The following SLC43A2 variants were observed in gnomAD, a reference collection of about 807,000 sequenced individuals.
SLC43A2 encodes solute carrier family 43 member 2, also known as large neutral amino acids transporter small subunit 4.
SLC43A2 carries 38 observed loss-of-function variants against 63.2 expected under a neutral mutation model. That is an observed-to-expected ratio of 0.60 (90% confidence interval 0.46 to 0.79). SLC43A2 has a LOEUF of 0.79. SLC43A2 is among the 30% of genes least tolerant of loss of function. The pLI is 0.00. For synonymous variants in SLC43A2, 322 were observed against 331.0 expected (o/e 0.97, Z 0.30); for missense variants, 644 against 756.2 (o/e 0.85, Z 1.74).
chr17:1,608,445 G>T (rs1906811760), intron 5 of SLC43A2, among the ~76,000 whole-genome samples: 1 of 151,962 alleles, frequency 6.6e-6, no homozygotes, highest in African/African-American at 2.4e-5. Context: ...CCAGGCTGGA[G>T]TGCAGTGGTG....
intron 5 of SLC43A2, among the ~76,000 whole-genome samples, chr17:1,598,340 G>A (rs1026493252): frequency 1.3e-4 from 19 of 151,734 alleles, no homozygotes; most frequent in African/African-American, 4.4e-4. Flanking sequence ...AGAATTGCTT[G>A]AATCCAGGAG....
In SLC43A2 at chr17:1,575,104, A is replaced by G. The variant is rs1275151915; in HGVS notation, c.*500T>C. 1.1e-5 allele frequency: 2 copies of G among 179,198 alleles called. No homozygotes were observed. The highest frequency in any genetic ancestry group is 2.4e-5 in the African/African-American group (1 of 41,584). 11.1% of individuals were successfully genotyped at this position (179,198 alleles called of 1,614,324 possible). A position where few individuals can be genotyped will look rare whatever the true frequency, so the allele number is the denominator to read the frequency against. ...AAAGGAATTAGCACCGACAACAGGA[A>G]GCGGGTCCTTCCTTCCTCAGGCAGC... On this transcript the variant is annotated 3_prime_UTR_variant, in exon 14 of 14. Transcript: ENST00000301335.
At chr17:1,629,100 C>G (rs1908964085), upstream of SLC43A2, among the ~76,000 whole-genome samples, 2 of 152,150 alleles carry the variant, frequency 1.3e-5, no homozygotes, top group African/African-American at 2.4e-5. Flanking sequence ...TCCCCGGCGA[C>G]ATCGCCCCGC....
chr17:1,590,752 TGGGCTCAGGCC>T, intron 9 of SLC43A2, 39 bp downstream of exon 9: 3 of 1,546,382 alleles, frequency 1.9e-6, no homozygotes, highest in Non-Finnish European at 2.6e-6. Flanking sequence ...GCCAGTGGGC[TGGGCTCAGGCC>T]GGGGAGTGAC....
chr17:1,592,620 T>A (rs896254506), intron 6 of SLC43A2, among the ~76,000 whole-genome samples: 1 of 151,630 alleles, frequency 6.6e-6, no homozygotes, highest in African/African-American at 2.4e-5. Flanking sequence ...GGAAAGGGGC[T>A]TTTACTTAGT....
intron 11 of SLC43A2, among the ~76,000 whole-genome samples, chr17:1,581,862 G>A (rs1010331947): frequency 9.3e-5 from 14 of 150,606 alleles, no homozygotes; most frequent in South Asian, 6.3e-4. Flanking sequence ...CTGGAGTGCA[G>A]TGGCGCAATC....
intron 6 of SLC43A2, among the ~76,000 whole-genome samples, chr17:1,592,205 G>C (rs1232231628): frequency 6.6e-6 from 1 of 152,220 alleles, no homozygotes; most frequent in Non-Finnish European, 1.5e-5. Context: ...AAAGTGGGCG[G>C]ATCATGAGGT....
chr17:1,616,861 C>T (rs1286117984), intron 2 of SLC43A2, 92 bp from the exon 3 acceptor site: 61 of 1,434,464 alleles, frequency 4.3e-5, no homozygotes, highest in Middle Eastern at 4.3e-4. Flanking sequence ...AGTCCCCCCA[C>T]TGGGAATGCC....
At chr17:1,601,628 C>T (rs549281763) in intron 5 of SLC43A2, among the ~76,000 whole-genome samples, 1 of 151,992 alleles carries the variant, frequency 6.6e-6, no homozygotes, top group Non-Finnish European at 1.5e-5. Context: ...ACTGAGACTA[C>T]CCCAGGCATG....
At position 1,575,498 on chromosome 17, in the gene SLC43A2, C is replaced by T. The variant is rs1415696633; in HGVS notation, c.*106G>A. On this transcript the variant is annotated 3_prime_UTR_variant, in exon 14 of 14. Coordinates refer to ENST00000301335, the MANE Select transcript of SLC43A2 (RefSeq NM_152346.3). ...CCGGGAGGGAGCGTGAACGCTGGCA[C>T]GGAGACGGCGAAGGTCCTGGGGGTG... 1.4e-5 allele frequency: 21 copies of T among 1,455,914 alleles called. No homozygotes were observed. The highest frequency in any genetic ancestry group is 1.8e-5 in the Non-Finnish European group (19 of 1,045,172). 90.2% of individuals were successfully genotyped at this position (1,455,914 alleles called of 1,614,324 possible).
intron 5 of SLC43A2, among the ~76,000 whole-genome samples, chr17:1,603,787 AAAAAC>A (rs57134876): frequency 8.6e-5 from 13 of 151,506 alleles, no homozygotes; most frequent in East Asian, 1.9e-4. Flanking sequence ...CTCTGCCTCA[AAAAAC>A]AAAACAAAAC....
intron 9 of SLC43A2, among the ~76,000 whole-genome samples, chr17:1,590,020 C>T (rs1904598374): frequency 6.6e-6 from 1 of 152,296 alleles, no homozygotes; most frequent in South Asian, 2.1e-4. Context: ...AACCTGATAA[C>T]TGATTCTTCA....
intron 5 of SLC43A2, among the ~76,000 whole-genome samples, chr17:1,611,557 C>T (rs1486772375): frequency 6.6e-6 from 1 of 151,794 alleles, no homozygotes; most frequent in Non-Finnish European, 1.5e-5. Flanking sequence ...ATTGCCTGAA[C>T]CCGGGAGGCG....
At chr17:1,594,090 G>C (rs1435779394) in intron 5 of SLC43A2, among the ~76,000 whole-genome samples, 1 of 152,164 alleles carries the variant, frequency 6.6e-6, no homozygotes, top group East Asian at 1.9e-4. Flanking sequence ...CTCCCAAAGT[G>C]CTGGGACTAC....
At chr17:1,598,420 CAAA>C (rs58628614) in intron 5 of SLC43A2, among the ~76,000 whole-genome samples, 1 of 121,926 alleles carries the variant, frequency 8.2e-6, no homozygotes, top group African/African-American at 2.7e-5. Context: ...GACTCTGTCT[CAAA>C]AAAAAAAAAA....
Position 1,617,612 on chromosome 17 carries a change from A to C in SLC43A2, c.161-843T>G, listed in dbSNP as rs140963489. Among the ~76,000 whole-genome samples, 153 of 152,288 alleles carry C rather than the reference A, an allele frequency of 1.0e-3. 1 individual carries two copies. The highest frequency in any genetic ancestry group is 3.5e-3 in the African/African-American group (145 of 41,550). On this transcript the variant is annotated intron_variant, in intron 2 of 13. Transcript: ENST00000301335. ...CATCATGTTGCCCAGGCTGGTCTCG[A>C]ACTCCTGACCTCAGGTGATCCTCTC... is the stretch of plus-strand genomic sequence containing the variant.
intron 9 of SLC43A2, 61 bp from the exon 10 acceptor site, chr17:1,586,112 G>A: frequency 6.6e-7 from 1 of 1,510,042 alleles, no homozygotes; most frequent in Non-Finnish European, 8.9e-7. Flanking sequence ...GCAGGGACTG[G>A]GCACCAGCTG....
intron 1 of SLC43A2, 46 bp from the exon 2 acceptor site, chr17:1,627,966 T>G: frequency 7.6e-7 from 1 of 1,315,480 alleles, no homozygotes. Flanking sequence ...GCCCAGCCCC[T>G]GCGGCCGCCC....
In SLC43A2 at chr17:1,616,570, C is replaced by T. The variant is rs1907684249; in HGVS notation, c.360G>A (p.Leu120=). 6.2e-7 allele frequency: 1 copy of T among 1,611,134 alleles called. No homozygotes were observed. The highest frequency in any genetic ancestry group is 8.5e-7 in the Non-Finnish European group (1 of 1,178,694). ...AAGGGACCCACACTGACCTGCCCAG[C>T]AGCCTGAGCTTCCTCGGGCCATACT... is the stretch of plus-strand genomic sequence containing the variant. ...MDKYGPRKLR[L]LGSACFAVSC... is the part of the protein sequence containing the mutation. Residue 120 remains leucine, a synonymous_variant, in exon 3 of 14, where the codon CTG becomes CTA. Transcript: ENST00000301335.
Sources: gnomAD v4.1 joint callset for allele counts (sites outside exome capture counted in the v4.1 genomes callset) on GRCh38, gnomAD v4.1.1 for gene constraint, MANE v1.5 for transcripts, NCBI Gene and HGNC (gene_info 2026-07-23, HGNC 2026-07-21) for gene names.